Variants in HCN1 observed in about 807,000 individuals in gnomAD.
HCN1 encodes the protein hyperpolarization activated cyclic nucleotide gated potassium channel 1, also known as potassium/sodium hyperpolarization-activated cyclic nucleotide-gated channel 1.
A neutral mutation model predicts 78.9 loss-of-function variants in HCN1; 13 were observed. The observed-to-expected ratio is 0.16, with a 90% CI of 0.11 to 0.26. HCN1 has a LOEUF of 0.26. Among genes scored for constraint, HCN1 ranks in the 10% least tolerant of loss-of-function variants. The probability of loss-of-function intolerance (pLI) is 1.00; values close to 1 mark genes in which losing one functional copy is unlikely to be tolerated. For synonymous variants in HCN1, 552 were observed against 455.5 expected (o/e 1.21, Z -2.70); for missense variants, 810 against 1,154.3 (o/e 0.70, Z 4.32).
intron 1 of HCN1, among the ~76,000 whole-genome samples, chr5:45,652,285 A>G (rs1390106173): frequency 2.6e-5 from 4 of 151,938 alleles, no homozygotes; most frequent in Admixed American, 1.3e-4. Flanking sequence ...GGATTTTACA[A>G]CTACAGCTGC....
intron 5 of HCN1, among the ~76,000 whole-genome samples, chr5:45,342,231 T>G (rs1037939951): frequency 6.6e-5 from 10 of 151,958 alleles, no homozygotes; most frequent in Non-Finnish European, 1.0e-4. Context: ...TTTCATATAT[T>G]TCTTTCCTTT....
intron 3 of HCN1, among the ~76,000 whole-genome samples, chr5:45,451,153 T>C (rs1201791418): frequency 1.3e-5 from 2 of 152,192 alleles, no homozygotes; most frequent in African/African-American, 4.8e-5. Context: ...CTTTAGAGCA[T>C]GACAGTCTCA....
At chr5:45,655,715 CA>C (rs1269514653) in intron 1 of HCN1, among the ~76,000 whole-genome samples, 1 of 152,054 alleles carries the variant, frequency 6.6e-6, no homozygotes, top group Non-Finnish European at 1.5e-5. Context: ...CCCAGAGGCT[CA>C]AAGTGATAGC....
rs1020741399 is a variant in HCN1 at position 45,330,379 on chromosome 5, T to C, written c.1377+22721A>G. ...GTTGGAACATTAAACCTTATTTTTG[T>C]ATGACAAATAAAACTTAACTAAATA... On this transcript the variant is annotated intron_variant, in intron 5 of 7. Transcript: ENST00000303230. Among the ~76,000 whole-genome samples, 9 of 151,164 alleles carry C rather than the reference T, an allele frequency of 6.0e-5. No homozygotes were observed. The Admixed American group carries it at 6.0e-4, about 10-fold the overall frequency.
At chr5:45,449,084 G>A (rs1360136216) in intron 3 of HCN1, among the ~76,000 whole-genome samples, 1 of 152,128 alleles carries the variant, frequency 6.6e-6, no homozygotes, top group Non-Finnish European at 1.5e-5. Flanking sequence ...CTCCAGCCTG[G>A]GCGATGGAGT....
At chr5:45,693,751 A>G (rs1179618705) in intron 1 of HCN1, among the ~76,000 whole-genome samples, 4 of 151,824 alleles carry the variant, frequency 2.6e-5, no homozygotes, top group African/African-American at 9.7e-5. Flanking sequence ...AAAAAGTTTA[A>G]TTACTTGATG....
chr5:45,375,343 AT>A (rs1747600450), intron 4 of HCN1, among the ~76,000 whole-genome samples: 2 of 124,992 alleles, frequency 1.6e-5, no homozygotes, highest in Admixed American at 2.0e-4. Flanking sequence ...TATACAATAT[AT>A]ATAATATAAT....
At chr5:45,483,348 T>C (rs779572227) in intron 2 of HCN1, among the ~76,000 whole-genome samples, 30 of 152,208 alleles carry the variant, frequency 2.0e-4, no homozygotes, top group Admixed American at 7.9e-4. Context: ...GTATTCATTG[T>C]GGTCTTGACT....
At chr5:45,689,321 C>G (rs1336452418) in intron 1 of HCN1, among the ~76,000 whole-genome samples, 1 of 151,966 alleles carries the variant, frequency 6.6e-6, no homozygotes, top group Non-Finnish European at 1.5e-5. Context: ...AATGAAGCCT[C>G]TAAGAAAGTT....
intron 1 of HCN1, among the ~76,000 whole-genome samples, chr5:45,674,120 T>C (rs1746217800): frequency 1.3e-5 from 2 of 151,474 alleles, no homozygotes; most frequent in South Asian, 4.1e-4. Flanking sequence ...TAGTTTTCAT[T>C]GGCTTTTAGT....
intron 3 of HCN1, among the ~76,000 whole-genome samples, chr5:45,448,610 A>G (rs528860462): frequency 2.5e-4 from 38 of 152,320 alleles, no homozygotes; most frequent in Non-Finnish European, 4.6e-4. Context: ...AGCCACGTTT[A>G]TGCATTATTA....
At chr5:45,300,620 C>T (rs557622055) in intron 6 of HCN1, among the ~76,000 whole-genome samples, 9 of 152,178 alleles carry the variant, frequency 5.9e-5, no homozygotes, top group Admixed American at 1.3e-4. Flanking sequence ...GTTAAGGCTT[C>T]CAGCCAACAG....
chr5:45,286,580 G>T (rs1745273941), intron 6 of HCN1, among the ~76,000 whole-genome samples: 1 of 151,930 alleles, frequency 6.6e-6, no homozygotes, highest in African/African-American at 2.4e-5. Flanking sequence ...TCTCACTCAT[G>T]TCCAATCTGA....
At chr5:45,595,858 A>C (rs561464496) in intron 2 of HCN1, among the ~76,000 whole-genome samples, 1 of 150,998 alleles carries the variant, frequency 6.6e-6, no homozygotes, top group African/African-American at 2.4e-5. Context: ...CTTTATAACG[A>C]GTTTATCAGA....
chr5:45,379,719 C>T (rs1055884855), intron 4 of HCN1, among the ~76,000 whole-genome samples: 1 of 151,996 alleles, frequency 6.6e-6, no homozygotes, highest in East Asian at 1.9e-4. Flanking sequence ...GAATGCATAA[C>T]AAGGGGCTTG....
chr5:45,492,982 C>A (rs963182164), intron 2 of HCN1, among the ~76,000 whole-genome samples: 2 of 152,062 alleles, frequency 1.3e-5, no homozygotes, highest in African/African-American at 4.8e-5. Flanking sequence ...CAGGATAACT[C>A]ATAAAATGTC....
chr5:45,269,933 G>A (rs1428430514), intron 6 of HCN1, among the ~76,000 whole-genome samples: 1 of 152,216 alleles, frequency 6.6e-6, no homozygotes, highest in East Asian at 1.9e-4. Context: ...TTCCCTTCAA[G>A]GTTCATCAGT....
At chr5:45,633,306 A>AT (rs142887815) in intron 2 of HCN1, among the ~76,000 whole-genome samples, 10 of 151,806 alleles carry the variant, frequency 6.6e-5, no homozygotes, top group East Asian at 1.9e-4. Context: ...TATTTTAAAT[A>AT]TTTTTTTTAA....
chr5:45,585,576 G>T (rs1021394979), intron 2 of HCN1, among the ~76,000 whole-genome samples: 2 of 152,240 alleles, frequency 1.3e-5, no homozygotes, highest in East Asian at 1.9e-4. Context: ...GAGGAGCTGC[G>T]TTCCTTTGGA....
Sources: gnomAD v4.1 joint callset for allele counts (sites outside exome capture counted in the v4.1 genomes callset) on GRCh38, gnomAD v4.1.1 for gene constraint, MANE v1.5 for transcripts, NCBI Gene and HGNC (gene_info 2026-07-23, HGNC 2026-07-21) for gene names.